Variants in ATP10B observed in about 807,000 individuals in gnomAD.
ATP10B encodes the protein ATPase phospholipid transporting 10B (putative).
Under a neutral mutation model 141.2 loss-of-function variants are expected in ATP10B, and 122 were observed. That is an observed-to-expected ratio of 0.86 (90% CI 0.75 to 1.00). The LOEUF (loss-of-function observed/expected upper bound fraction) is 1.00. Among genes scored for constraint, ATP10B ranks in the 50% least tolerant of loss-of-function variants. The probability of loss-of-function intolerance (pLI) is 0.00; values close to 1 mark genes in which losing one functional copy is unlikely to be tolerated. For synonymous variants in ATP10B, 685 were observed against 692.0 expected (o/e 0.99, Z 0.16); for missense variants, 1,876 against 1,825.3 (o/e 1.03, Z -0.51).
At chr5:160,727,157 C>T (rs1766421480) in intron 2 of ATP10B, among the ~76,000 whole-genome samples, 1 of 152,102 alleles carries the variant, frequency 6.6e-6, no homozygotes, top group African/African-American at 2.4e-5. Flanking sequence ...TTAACTGAGA[C>T]CTGTCTTAGA....
intron 1 of ATP10B, among the ~76,000 whole-genome samples, chr5:160,829,560 G>A (rs1273713796): frequency 6.6e-6 from 1 of 152,028 alleles, no homozygotes; most frequent in Non-Finnish European, 1.5e-5. Flanking sequence ...GGGAAGTATG[G>A]CCATATTAAT....
chr5:160,649,270 G>A lies in ATP10B; in HGVS notation c.676-14C>T, dbSNP rs374874612. The A allele has an allele frequency of 2.5e-6, 4 of 1,592,140 alleles. No homozygotes were observed. Among genetic ancestry groups the A allele is most frequent in the Non-Finnish European group, 3.4e-6 (4 of 1,160,316 alleles). On this transcript the variant is annotated splice_polypyrimidine_tract_variant and intron_variant, in intron 7 of 25. Coordinates refer to ENST00000327245, the MANE Select transcript of ATP10B (RefSeq NM_025153.3). ...GAACTGTACCTCCTGTGAGAGAGAG[G>A]ACTCTGTGAGTTTATTAATTCAGAG...
chr5:160,708,170 C>A (rs1765129167), intron 3 of ATP10B, among the ~76,000 whole-genome samples: 1 of 152,126 alleles, frequency 6.6e-6, no homozygotes, highest in South Asian at 2.1e-4. Context: ...ACAACCACTG[C>A]AACATTTTTA....
At chr5:160,917,454 T>C in the ATP10B span, among the ~76,000 whole-genome samples, 1 of 152,166 alleles carries the variant, frequency 6.6e-6, no homozygotes, top group Middle Eastern at 3.4e-3. Context: ...GAAGGCTTTC[T>C]AGGATGGGGC....
At chr5:160,917,651 T>A in the ATP10B span, among the ~76,000 whole-genome samples, 1 of 152,128 alleles carries the variant, frequency 6.6e-6, no homozygotes, top group Admixed American at 6.5e-5. Context: ...TTGGGCCAGC[T>A]TGGATAGGGG....
At chr5:160,667,419 T>C (rs1762390641) in intron 7 of ATP10B, among the ~76,000 whole-genome samples, 1 of 152,068 alleles carries the variant, frequency 6.6e-6, no homozygotes, top group Non-Finnish European at 1.5e-5. Flanking sequence ...ATAGACGAGA[T>C]AATCATGCAA....
chr5:160,660,136 A>T (rs1761811717), intron 7 of ATP10B, among the ~76,000 whole-genome samples: 1 of 152,214 alleles, frequency 6.6e-6, no homozygotes, highest in Non-Finnish European at 1.5e-5. Flanking sequence ...AAAAACCTCT[A>T]TTCTTGAATT....
chr5:160,665,064 T>A (rs971855479), intron 7 of ATP10B, among the ~76,000 whole-genome samples: 9 of 152,256 alleles, frequency 5.9e-5, no homozygotes, highest in Non-Finnish European at 8.8e-5. Flanking sequence ...CCTCTTTTTT[T>A]AACAATGGGA....
intron 24 of ATP10B, among the ~76,000 whole-genome samples, chr5:160,580,873 TG>T (rs774598194): frequency 3.3e-5 from 5 of 152,328 alleles, no homozygotes; most frequent in African/African-American, 4.8e-5. Flanking sequence ...GACTTCTTCC[TG>T]GTTTAGTCTT....
chr5:160,636,959 T>G (rs1759426280), intron 10 of ATP10B, among the ~76,000 whole-genome samples: 1 of 148,718 alleles, frequency 6.7e-6, no homozygotes, highest in South Asian at 2.2e-4. Flanking sequence ...TACTCACCCA[T>G]CTATCCATCC....
At chr5:160,926,463 G>T in the ATP10B span, among the ~76,000 whole-genome samples, 1 of 152,146 alleles carries the variant, frequency 6.6e-6, no homozygotes, top group Non-Finnish European at 1.5e-5. Context: ...GAAGACTAGC[G>T]CAGGGAAATA....
rs374858639 is a variant in ATP10B, at chr5:160,648,151, G to A, written c.761+1020C>T. ...CTCAGATCATCATAATCCACATCAC[G>A]ATATTCGCTTTCTGGGGTTGTTGTG... On this transcript the variant is annotated intron_variant, in intron 8 of 25. Coordinates refer to ENST00000327245, the MANE Select transcript of ATP10B (RefSeq NM_025153.3). Among the ~76,000 whole-genome samples the A allele has an allele frequency of 3.5e-4, 53 of 152,252 alleles. 1 individual carries two copies. The South Asian group carries it at 0.01, about 30-fold the overall frequency.
At chr5:160,584,954 T>C (rs1307900702) in intron 24 of ATP10B, among the ~76,000 whole-genome samples, 1 of 152,246 alleles carries the variant, frequency 6.6e-6, no homozygotes, top group Non-Finnish European at 1.5e-5. Flanking sequence ...AATTTGTCTA[T>C]AGTCTCTGGC....
At chr5:160,827,748 T>C (rs1774741542) in intron 1 of ATP10B, among the ~76,000 whole-genome samples, 1 of 152,216 alleles carries the variant, frequency 6.6e-6, no homozygotes, top group East Asian at 1.9e-4. Context: ...AATTTTTGTA[T>C]AGGGTGAAAG....
chr5:160,893,591 G>C, the ATP10B span, among the ~76,000 whole-genome samples: 3 of 152,174 alleles, frequency 2.0e-5, no homozygotes, highest in African/African-American at 7.2e-5. Flanking sequence ...CAGAGCACCT[G>C]GGGGAAGGGG....
intron 1 of ATP10B, among the ~76,000 whole-genome samples, chr5:160,787,007 C>A (rs1771202340): frequency 6.6e-6 from 1 of 151,904 alleles, no homozygotes; most frequent in Non-Finnish European, 1.5e-5. Flanking sequence ...GCTGACTGAC[C>A]TGCCTAGGGC....
At position 160,785,770 on chromosome 5, in the gene ATP10B, A is replaced by T. The variant is rs1771100692; in HGVS notation, c.-542T>A. 1 of 995,184 alleles carries T rather than the reference A, an allele frequency of 1.0e-6. No homozygotes were observed. The highest frequency in any genetic ancestry group is 1.6e-5 in the South Asian group (1 of 62,174). 61.6% of individuals were successfully genotyped at this position (995,184 alleles called of 1,614,324 possible). A position where few individuals can be genotyped will look rare whatever the true frequency, so the allele number is the denominator to read the frequency against. ...TGTTGCTTTCATTGAAACAAATGTCACCAGTCGGTTCTGATTCTCTTGTCA... is the reference window on the plus strand; with the variant it reads ...TGTTGCTTTCATTGAAACAAATGTCTCCAGTCGGTTCTGATTCTCTTGTCA... On this transcript the variant is annotated 5_prime_UTR_variant, in exon 2 of 26. Transcript: ENST00000327245.
chr5:160,602,494 C>T, intron 21 of ATP10B, 83 bp downstream of exon 21: 4 of 1,582,306 alleles, frequency 2.5e-6, no homozygotes, highest in Non-Finnish European at 3.5e-6. Context: ...TGCTGAGGTG[C>T]TTTGCCCACT....
intron 19 of ATP10B, among the ~76,000 whole-genome samples, chr5:160,605,940 GA>G (rs1359286223): frequency 6.6e-6 from 1 of 152,204 alleles, no homozygotes; most frequent in Non-Finnish European, 1.5e-5. Context: ...GCCCCCAGGG[GA>G]AAGCAAAGTT....
Sources: allele counts gnomAD v4.1 joint callset (sites outside exome capture counted in the v4.1 genomes callset), GRCh38; gene constraint gnomAD v4.1.1; transcripts MANE v1.5; gene names NCBI Gene and HGNC (gene_info 2026-07-23, HGNC 2026-07-21).